Variants in FGGY observed in about 807,000 individuals in gnomAD.
The protein encoded by FGGY is FGGY carbohydrate kinase domain containing, also known as FGGY carbohydrate kinase domain-containing protein.
A neutral mutation model predicts 71.3 loss-of-function variants in FGGY; 72 were observed. The observed-to-expected ratio is 1.01, with a 90% CI of 0.84 to 1.23. The LOEUF (loss-of-function observed/expected upper bound fraction) is 1.23, where lower values mean the gene tolerates loss of function less well. Among genes scored for constraint, FGGY ranks in the 50% most tolerant of loss-of-function variants. FGGY has a pLI of 0.00. For synonymous variants in FGGY, 251 were observed against 250.3 expected (o/e 1.00, Z -0.02); for missense variants, 668 against 682.3 (o/e 0.98, Z 0.23).
At chr1:59,426,869 A>C (rs892074366) in intron 5 of FGGY, among the ~76,000 whole-genome samples, 3 of 146,424 alleles carry the variant, frequency 2.0e-5, no homozygotes, top group East Asian at 2.0e-4. Context: ...AAAAAAAAAA[A>C]AAAACTGGTT....
intron 6 of FGGY, among the ~76,000 whole-genome samples, chr1:59,499,238 C>G (rs2094141908): frequency 6.6e-6 from 1 of 150,666 alleles, no homozygotes; most frequent in Non-Finnish European, 1.5e-5. Flanking sequence ...AAATACCTTC[C>G]AAGACCCCCA....
chr1:59,621,424 T>C (rs771880999), intron 9 of FGGY, among the ~76,000 whole-genome samples: 20 of 128,834 alleles, frequency 1.6e-4, no homozygotes, highest in Non-Finnish European at 3.2e-4. Context: ...TGATATCTTT[T>C]CCCAAGCCTA....
At chr1:59,366,640 T>C (rs1386471961) in intron 4 of FGGY, among the ~76,000 whole-genome samples, 1 of 152,214 alleles carries the variant, frequency 6.6e-6, no homozygotes, top group Non-Finnish European at 1.5e-5. Flanking sequence ...TGTACATCTT[T>C]CTCTCGAAAG....
At chr1:59,504,990 T>G (rs760001684) in intron 6 of FGGY, among the ~76,000 whole-genome samples, 1 of 152,244 alleles carries the variant, frequency 6.6e-6, no homozygotes, top group Non-Finnish European at 1.5e-5. Context: ...ATTTGAACTA[T>G]TCTCTGTCTA....
chr1:59,327,704 A>G (rs1470971557), intron 2 of FGGY, among the ~76,000 whole-genome samples: 9 of 152,230 alleles, frequency 5.9e-5, no homozygotes, highest in Admixed American at 5.9e-4. Context: ...TATGGCAGCT[A>G]TATCCTTACA....
At chr1:59,429,940 A>G (rs1214036616) in intron 5 of FGGY, among the ~76,000 whole-genome samples, 2 of 152,150 alleles carry the variant, frequency 1.3e-5, no homozygotes, top group South Asian at 2.1e-4. Flanking sequence ...ATTGTGTCCA[A>G]TAAATTTTAT....
chr1:59,695,495 T>A (rs1014546704), intron 14 of FGGY, among the ~76,000 whole-genome samples: 2 of 152,210 alleles, frequency 1.3e-5, no homozygotes, highest in Non-Finnish European at 2.9e-5. Flanking sequence ...TAAAAGTTAC[T>A]AAGTGGTCAT....
intron 5 of FGGY, among the ~76,000 whole-genome samples, chr1:59,435,535 T>G (rs2068242560): frequency 6.6e-6 from 1 of 152,148 alleles, no homozygotes; most frequent in Admixed American, 6.5e-5. Context: ...CCACTTCACT[T>G]GCCCAGACAG....
chr1:59,646,705 G>A (rs900842162), intron 11 of FGGY, among the ~76,000 whole-genome samples: 74 of 151,986 alleles, frequency 4.9e-4, no homozygotes, highest in African/African-American at 1.6e-3. Flanking sequence ...CACAACAACC[G>A]TGCAAGACAA....
intron 5 of FGGY, among the ~76,000 whole-genome samples, chr1:59,400,778 TTTTTTA>T (rs2061855845): frequency 6.9e-6 from 1 of 144,158 alleles, no homozygotes; most frequent in Non-Finnish European, 1.5e-5. Context: ...ATTATTTTTA[TTTTTTA>T]TTTTTGAGAT....
chr1:59,510,581 A>T (rs569301310), intron 6 of FGGY, among the ~76,000 whole-genome samples: 6 of 152,230 alleles, frequency 3.9e-5, no homozygotes, highest in African/African-American at 1.4e-4. Context: ...CCTCCAGACC[A>T]TCAGTGTCCA....
At chr1:59,355,465 T>G (rs2054136091) in intron 4 of FGGY, among the ~76,000 whole-genome samples, 1 of 152,238 alleles carries the variant, frequency 6.6e-6, no homozygotes, top group Admixed American at 6.5e-5. Flanking sequence ...ATGCTCATGC[T>G]TTTATTACTT....
intron 10 of FGGY, among the ~76,000 whole-genome samples, chr1:59,631,214 A>G (rs760678103): frequency 1.2e-4 from 18 of 152,060 alleles, no homozygotes; most frequent in Non-Finnish European, 2.2e-4. Context: ...TCTTGAGTTT[A>G]TAGTCCTTTT....
chr1:59,486,465 G>A (rs2093661677), intron 6 of FGGY, among the ~76,000 whole-genome samples: 1 of 152,192 alleles, frequency 6.6e-6, no homozygotes, highest in Non-Finnish European at 1.5e-5. Context: ...TGTTGGTTGT[G>A]CCAGTAATTG....
At chr1:59,571,140 C>T (rs2095978584) in intron 8 of FGGY, among the ~76,000 whole-genome samples, 1 of 152,174 alleles carries the variant, frequency 6.6e-6, no homozygotes, top group Admixed American at 6.5e-5. Flanking sequence ...ATTGCATTGA[C>T]ATCTGTAATC....
chr1:59,334,814 T>A (rs975722780), intron 2 of FGGY, among the ~76,000 whole-genome samples: 2 of 152,144 alleles, frequency 1.3e-5, no homozygotes, highest in African/African-American at 4.8e-5. Context: ...TAATAGAAAC[T>A]GGTCGCTCAT....
chr1:59,350,852 T>C (rs769206748), intron 4 of FGGY, among the ~76,000 whole-genome samples: 6 of 152,200 alleles, frequency 3.9e-5, no homozygotes, highest in Non-Finnish European at 8.8e-5. Context: ...CATTTTTACC[T>C]CTTCCTCTCT....
At chr1:59,473,568 A>G (rs1227379413) in intron 6 of FGGY, among the ~76,000 whole-genome samples, 2 of 152,188 alleles carry the variant, frequency 1.3e-5, no homozygotes, top group African/African-American at 4.8e-5. Context: ...GAGGCATGGA[A>G]GAGTGCAGAG....
chr1:59,440,152 AT>A lies in FGGY; in HGVS notation c.555-16803del, dbSNP rs111605711. On this transcript the variant is annotated intron_variant, in intron 5 of 15. Coordinates refer to ENST00000303721, the MANE Select transcript of FGGY (RefSeq NM_018291.5). ...AAGAGAATTAGATTGAATTTAGGCC[AT>A]TTTTTCCCCCTCATATCTGGTTTTT... Among the ~76,000 whole-genome samples, 731 of 151,168 alleles carry A rather than the reference AT, an allele frequency of 4.8e-3. 5 individuals carry two copies. Among genetic ancestry groups the A allele is most frequent in the African/African-American group, 0.017 (684 of 41,214 alleles).
Sources: allele counts gnomAD v4.1 joint callset (sites outside exome capture counted in the v4.1 genomes callset), GRCh38; gene constraint gnomAD v4.1.1; transcripts MANE v1.5; gene names NCBI Gene and HGNC (gene_info 2026-07-23, HGNC 2026-07-21).